The following EPHA6 variants were observed in gnomAD, a reference collection of about 807,000 sequenced individuals.
The protein encoded by EPHA6 is EPH receptor A6.
In EPHA6, 50 loss-of-function variants were observed where a neutral mutation model predicts 112.0. The observed-to-expected ratio is 0.45, with a 90% confidence interval of 0.36 to 0.56. The LOEUF is 0.56. Among genes scored for constraint, EPHA6 ranks in the 20% least tolerant of loss-of-function variants. The pLI is 0.00. For synonymous variants in EPHA6, 529 were observed against 490.7 expected, an observed-to-expected ratio of 1.08 and a Z score of -1.03; for missense variants, 1,280 against 1,417.4, an observed-to-expected ratio of 0.90 and a Z score of 1.56.
intron 14 of EPHA6, among the ~76,000 whole-genome samples, chr3:97,640,793 A>G (rs541352576): frequency 6.8e-4 from 104 of 152,234 alleles, no homozygotes; most frequent in South Asian, 2.3e-3. Flanking sequence ...AAAAAAAACA[A>G]AAGATATTAT....
At chr3:97,013,332 A>C (rs2044155869) in intron 3 of EPHA6, among the ~76,000 whole-genome samples, 1 of 152,076 alleles carries the variant, frequency 6.6e-6, no homozygotes, top group Non-Finnish European at 1.5e-5. Context: ...TTTAAATTAT[A>C]TTTTACTTAG....
Position 97,577,821 on chromosome 3 carries a change from G to GT in EPHA6, c.2387-14783dup, listed in dbSNP as rs200304760. Among the ~76,000 whole-genome samples, 48 of 151,732 alleles carry GT rather than the reference G, an allele frequency of 3.2e-4. No homozygotes were observed. In the East Asian group the frequency reaches 3.3e-3, roughly 10 times the overall value. On this transcript the variant is annotated intron_variant, in intron 11 of 17. Coordinates refer to ENST00000389672, the MANE Select transcript of EPHA6 (RefSeq NM_001080448.3). ...TTTGTTTTTGTTTTTGTTTTTCTTG[G>GT]TTTTTTTTGTAGTGGAAGAGAAGGA...
intron 3 of EPHA6, chr3:97,010,130 C>A: frequency 8.1e-7 from 1 of 1,233,806 alleles, no homozygotes; most frequent in Non-Finnish European, 1.0e-6. Context: ...CATTTACAGC[C>A]AAAATTTGTT....
chr3:97,114,697 A>G (rs1460769379), intron 3 of EPHA6, among the ~76,000 whole-genome samples: 1 of 152,070 alleles, frequency 6.6e-6, no homozygotes, highest in Non-Finnish European at 1.5e-5. Context: ...ATATTAAAAG[A>G]AAAATGTCTT....
At position 97,186,974 on chromosome 3, in the gene EPHA6, C is replaced by A. The variant is rs915122335; in HGVS notation, c.1115-39290C>A. Among the ~76,000 whole-genome samples the A allele has an allele frequency of 7.2e-5, 11 of 152,194 alleles. No individual in the cohort carries two copies. In the South Asian group the frequency reaches 2.3e-3, roughly 32 times the overall value. On this transcript the variant is annotated intron_variant, in intron 3 of 17. Coordinates refer to ENST00000389672, the MANE Select transcript of EPHA6 (RefSeq NM_001080448.3). ...TTATTGTCTTGCCTGGCCTAGAAGACCATATCACACCTTAAAAAAATTGTT... is the reference window on the plus strand; with the variant it reads ...TTATTGTCTTGCCTGGCCTAGAAGAACATATCACACCTTAAAAAAATTGTT...
chr3:97,200,106 T>G (rs564714589), intron 3 of EPHA6, among the ~76,000 whole-genome samples: 12 of 152,244 alleles, frequency 7.9e-5, no homozygotes, highest in African/African-American at 2.9e-4. Flanking sequence ...ATTGATCCTA[T>G]AGACAAGAAG....
intron 14 of EPHA6, among the ~76,000 whole-genome samples, chr3:97,659,531 GTCCTATACT>G (rs1560239850): frequency 2.6e-5 from 4 of 151,890 alleles, no homozygotes; most frequent in Admixed American, 2.6e-4. Context: ...TGTATCAAAT[GTCCTATACT>G]TCATAATCTA....
intron 3 of EPHA6, among the ~76,000 whole-genome samples, chr3:97,190,695 C>T (rs1327833390): frequency 1.3e-5 from 2 of 151,810 alleles, no homozygotes; most frequent in African/African-American, 4.8e-5. Context: ...ATTAATATAT[C>T]CATTATCTCA....
intron 15 of EPHA6, among the ~76,000 whole-genome samples, chr3:97,731,580 A>T (rs2035038190): frequency 1.3e-5 from 2 of 152,074 alleles, no homozygotes; most frequent in Non-Finnish European, 2.9e-5. Context: ...TTAATCTATT[A>T]TTCATGAAAC....
chr3:97,717,137 A>G (rs999134335), intron 14 of EPHA6, among the ~76,000 whole-genome samples: 13 of 151,084 alleles, frequency 8.6e-5, no homozygotes, highest in Non-Finnish European at 1.6e-4. Flanking sequence ...AGGCTGAGGC[A>G]GGAGAATTTC....
At chr3:97,085,948 T>TACAC (rs1553701214) in intron 3 of EPHA6, among the ~76,000 whole-genome samples, 6 of 145,168 alleles carry the variant, frequency 4.1e-5, no homozygotes, top group Admixed American at 2.0e-4. Context: ...TATATATATA[T>TACAC]ACACACTGAG....
At chr3:97,340,410 A>T (rs528112792) in intron 5 of EPHA6, among the ~76,000 whole-genome samples, 1 of 152,106 alleles carries the variant, frequency 6.6e-6, no homozygotes, top group South Asian at 2.1e-4. Context: ...ATCATGAAGG[A>T]CAGAAATTCT....
chr3:97,046,947 A>G (rs577927826), intron 3 of EPHA6, among the ~76,000 whole-genome samples: 3 of 152,276 alleles, frequency 2.0e-5, no homozygotes, highest in South Asian at 4.1e-4. Context: ...TAAATGACTA[A>G]TTCAGTTTAA....
intron 8 of EPHA6, among the ~76,000 whole-genome samples, chr3:97,478,640 A>C (rs1171190841): frequency 6.6e-6 from 1 of 152,162 alleles, no homozygotes; most frequent in East Asian, 1.9e-4. Flanking sequence ...GGGAGCAGTC[A>C]TTGGAAAATA....
intron 5 of EPHA6, among the ~76,000 whole-genome samples, chr3:97,293,648 G>C (rs114801539): frequency 0.011 from 1,721 of 152,336 alleles, 35 homozygotes; most frequent in African/African-American, 0.039. Flanking sequence ...AGTGGCCATG[G>C]GTGGGCCTGG....
intron 13 of EPHA6, among the ~76,000 whole-genome samples, chr3:97,614,761 A>G (rs1411459653): frequency 1.3e-5 from 2 of 152,150 alleles, no homozygotes; most frequent in Admixed American, 1.3e-4. Flanking sequence ...GGATTTAATT[A>G]AGTAAGGAAA....
rs1007593963 is a variant in EPHA6 at position 97,749,993 on chromosome 3, G to A, written c.*1292G>A. ...CACAGCTGTGTTGTCATAATCTTCT[G>A]AGAGGCTTAAAAAACAAAGGTAAAT... is the stretch of plus-strand genomic sequence containing the variant. On this transcript the variant is annotated 3_prime_UTR_variant, in exon 18 of 18. Coordinates refer to ENST00000389672, the MANE Select transcript of EPHA6 (RefSeq NM_001080448.3). Among the ~76,000 whole-genome samples the A allele has an allele frequency of 7.2e-5, 11 of 152,106 alleles. No individual in the cohort carries two copies. Among genetic ancestry groups the A allele is most frequent in the African/African-American group, 2.7e-4 (11 of 41,412 alleles).
At chr3:97,191,900 ACTTCCAAACAGTT>A (rs2077316918) in intron 3 of EPHA6, among the ~76,000 whole-genome samples, 1 of 152,050 alleles carries the variant, frequency 6.6e-6, no homozygotes, top group African/African-American at 2.4e-5. Context: ...TTTTTGAGGC[ACTTCCAAACAGTT>A]CTCCATAGTC....
chr3:97,405,013 A>G lies in EPHA6; in HGVS notation c.1607-137A>G, dbSNP rs535246907. 2.2e-5 allele frequency: 19 copies of G among 876,848 alleles called. No homozygotes were observed. In the East Asian group the frequency reaches 2.7e-4, roughly 12 times the overall value. 54.3% of individuals were successfully genotyped at this position (876,848 alleles called of 1,614,324 possible). A position where few individuals can be genotyped will look rare whatever the true frequency, so the allele number is the denominator to read the frequency against. On this transcript the variant is annotated intron_variant, in intron 5 of 17. Coordinates refer to ENST00000389672, the MANE Select transcript of EPHA6 (RefSeq NM_001080448.3). ...ATCGAATAGAGCATATCGTAAGGCT[A>G]TCTTATTAATCTGCCTTCAATAAAT...
Sources: gnomAD v4.1 joint callset for allele counts (sites outside exome capture counted in the v4.1 genomes callset) on GRCh38, gnomAD v4.1.1 for gene constraint, MANE v1.5 for transcripts, NCBI Gene and HGNC (gene_info 2026-07-23, HGNC 2026-07-21) for gene names.